Variants in CDKAL1 observed in about 807,000 individuals in gnomAD.
CDKAL1 encodes CDKAL1 threonylcarbamoyladenosine tRNA methylthiotransferase.
A neutral mutation model predicts 68.2 loss-of-function variants in CDKAL1; 32 were observed. The observed-to-expected ratio is 0.47, with a 90% CI of 0.35 to 0.63. The LOEUF (loss-of-function observed/expected upper bound fraction) is 0.63, where lower values mean the gene tolerates loss of function less well. Ranked by LOEUF, CDKAL1 falls within the 30% of genes least tolerant of loss-of-function variation. The pLI is 0.00. For synonymous variants in CDKAL1, 234 were observed against 244.3 expected (o/e 0.96, Z 0.39); for missense variants, 606 against 696.7 (o/e 0.87, Z 1.47).
chr6:21,177,155 C>G (rs986916733), intron 13 of CDKAL1, among the ~76,000 whole-genome samples: 2 of 152,142 alleles, frequency 1.3e-5, no homozygotes, highest in African/African-American at 4.8e-5. Context: ...CTTTTTGAGG[C>G]TTTTGGGTAT....
At chr6:20,635,333 C>T (rs557073718) in intron 4 of CDKAL1, among the ~76,000 whole-genome samples, 1 of 152,280 alleles carries the variant, frequency 6.6e-6, no homozygotes, top group Admixed American at 6.5e-5. Flanking sequence ...CTTCAGCTGT[C>T]AGGGAGCTCC....
intron 5 of CDKAL1, among the ~76,000 whole-genome samples, chr6:20,651,679 T>C (rs1320152756): frequency 6.6e-6 from 1 of 152,226 alleles, no homozygotes; most frequent in Non-Finnish European, 1.5e-5. Flanking sequence ...CAGTATGATA[T>C]GGGCTGTGGG....
At chr6:21,210,556 T>G (rs1234279411) in intron 15 of CDKAL1, among the ~76,000 whole-genome samples, 1 of 152,168 alleles carries the variant, frequency 6.6e-6, no homozygotes, top group Non-Finnish European at 1.5e-5. Flanking sequence ...GAAATAAATA[T>G]CTGTTGTTTA....
chr6:20,898,107 T>C (rs1223353046), intron 9 of CDKAL1, among the ~76,000 whole-genome samples: 2 of 152,092 alleles, frequency 1.3e-5, no homozygotes, highest in African/African-American at 4.8e-5. Flanking sequence ...CTTGGGTGTA[T>C]AATTAGTTTG....
intron 4 of CDKAL1, among the ~76,000 whole-genome samples, chr6:20,569,673 A>T (rs182939381): frequency 2.0e-5 from 3 of 152,344 alleles, no homozygotes; most frequent in Admixed American, 2.0e-4. Flanking sequence ...GAAACTAGCT[A>T]CTAAATTTGG....
chr6:20,993,547 T>G (rs551345972), intron 10 of CDKAL1: 1 of 152,226 alleles, frequency 6.6e-6, no homozygotes, highest in Non-Finnish European at 1.5e-5. Context: ...AATTTTAGTA[T>G]ATGTGCTGCT....
chr6:21,025,105 C>G (rs1300245045), intron 11 of CDKAL1, among the ~76,000 whole-genome samples: 1 of 152,170 alleles, frequency 6.6e-6, no homozygotes. Context: ...ATCCACTTGT[C>G]TGATATAACT....
At chr6:20,831,581 A>C (rs1190115962) in intron 8 of CDKAL1, among the ~76,000 whole-genome samples, 2 of 152,134 alleles carry the variant, frequency 1.3e-5, no homozygotes, top group Non-Finnish European at 2.9e-5. Context: ...AGACCACCAG[A>C]CAGTGACCAT....
At chr6:21,037,194 A>G (rs554398338) in intron 11 of CDKAL1, among the ~76,000 whole-genome samples, 6 of 152,144 alleles carry the variant, frequency 3.9e-5, no homozygotes, top group Non-Finnish European at 8.8e-5. Flanking sequence ...GAACCCCACA[A>G]GCTCCTTCCC....
chr6:21,090,805 C>CTTTTTTTT lies in CDKAL1; in HGVS notation c.1237-17587_1237-17580dup, dbSNP rs67647227. 1.0e-3 allele frequency among the ~76,000 whole-genome samples: 135 copies of CTTTTTTTT among 132,528 alleles called. 1 individual carries two copies. The highest frequency in any genetic ancestry group is 1.2e-3 in the African/African-American group (41 of 35,452). 86.9% of individuals were successfully genotyped at this position (132,528 alleles called of 152,430 possible). A position where few individuals can be genotyped will look rare whatever the true frequency, so the allele number is the denominator to read the frequency against. On this transcript the variant is annotated intron_variant, in intron 12 of 15. Transcript: ENST00000274695. ...GTATACTAACAATTTTTTCTTTTTT[C>CTTTTTTTT]TTTTTTTTTTTTTTTTGAGACAGAG...
intron 12 of CDKAL1, among the ~76,000 whole-genome samples, chr6:21,076,808 C>G (rs190909666): frequency 3.8e-4 from 58 of 152,146 alleles, no homozygotes; most frequent in Admixed American, 3.1e-3. Flanking sequence ...GTACTTGATC[C>G]CTTCCAGTTG....
intron 4 of CDKAL1, among the ~76,000 whole-genome samples, chr6:20,612,506 G>C (rs1356781636): frequency 1.3e-5 from 2 of 152,036 alleles, no homozygotes; most frequent in Non-Finnish European, 2.9e-5. Context: ...GATGATTAGT[G>C]ATGTTGAGCA....
intron 11 of CDKAL1, among the ~76,000 whole-genome samples, chr6:21,058,584 GT>G (rs1403959296): frequency 6.6e-6 from 1 of 152,218 alleles, no homozygotes; most frequent in Non-Finnish European, 1.5e-5. Context: ...TTGCAGACTT[GT>G]TTATGTAGTT....
At chr6:21,084,231 C>G (rs181114424) in intron 12 of CDKAL1, among the ~76,000 whole-genome samples, 183 of 152,192 alleles carry the variant, frequency 1.2e-3, no homozygotes, top group Middle Eastern at 0.01. Context: ...TATTCTAAAT[C>G]TTTGGGTTAT....
At chr6:20,753,957 ATGTGTG>A (rs112105313) in intron 6 of CDKAL1, among the ~76,000 whole-genome samples, 27,043 of 147,736 alleles carry the variant, frequency 0.18, 2,597 homozygotes, top group African/African-American at 0.24. Context: ...TATTATCTGT[ATGTGTG>A]TGTGTGTGTG....
At chr6:20,868,792 C>T (rs1760040378) in intron 9 of CDKAL1, among the ~76,000 whole-genome samples, 1 of 152,144 alleles carries the variant, frequency 6.6e-6, no homozygotes, top group Admixed American at 6.5e-5. Context: ...TCAGCATGGG[C>T]CGTGTGTTAG....
At chr6:20,751,155 A>C (rs974396599) in intron 6 of CDKAL1, among the ~76,000 whole-genome samples, 6 of 152,024 alleles carry the variant, frequency 3.9e-5, no homozygotes, top group South Asian at 2.1e-4. Flanking sequence ...TTTCAGGAAA[A>C]ATGATACTTC....
At chr6:20,905,452 C>A (rs1456468125) in intron 9 of CDKAL1, among the ~76,000 whole-genome samples, 1 of 152,076 alleles carries the variant, frequency 6.6e-6, no homozygotes, top group African/African-American at 2.4e-5. Context: ...ACCTGTGGAA[C>A]CTTACACCAT....
intron 5 of CDKAL1, among the ~76,000 whole-genome samples, chr6:20,671,449 A>T (rs914576033): frequency 1.3e-5 from 2 of 152,070 alleles, no homozygotes; most frequent in Admixed American, 1.3e-4. Flanking sequence ...TGTGCAGAAT[A>T]TTTTATTCTT....
Sources: allele counts gnomAD v4.1 joint callset (sites outside exome capture counted in the v4.1 genomes callset), GRCh38; gene constraint gnomAD v4.1.1; transcripts MANE v1.5; gene names NCBI Gene and HGNC (gene_info 2026-07-23, HGNC 2026-07-21).